Variants in PTPRG observed in about 807,000 individuals in gnomAD.
The protein encoded by PTPRG is receptor-type tyrosine-protein phosphatase gamma.
In PTPRG, 102 loss-of-function variants were observed where a neutral mutation model predicts 165.3. The observed-to-expected ratio is 0.62, with a 90% CI of 0.53 to 0.73. The LOEUF is 0.73. Among genes scored for constraint, PTPRG ranks in the 30% least tolerant of loss-of-function variants. The probability of loss-of-function intolerance (pLI) is 0.00; values close to 1 mark genes in which losing one functional copy is unlikely to be tolerated. For synonymous variants in PTPRG, 675 were observed against 669.5 expected (o/e 1.01, Z -0.13); for missense variants, 1,866 against 1,861.4 (o/e 1.00, Z -0.05).
In PTPRG at chr3:61,562,378, T is replaced by C. The variant is rs201903648; in HGVS notation, c.85+6T>C. The C allele has an allele frequency of 6.2e-7, 1 of 1,612,800 alleles. No homozygotes were observed. Among genetic ancestry groups the C allele is most frequent in the Non-Finnish European group, 8.5e-7 (1 of 1,179,238 alleles). On this transcript the variant is annotated splice_donor_region_variant and intron_variant, in intron 1 of 29. Transcript: ENST00000474889. ...TTATGTCGTGTGCTTCCCCGGTGAG[T>C]GCCGGCCGCCGAGGGGATGCGGCCC...
intron 14 of PTPRG, among the ~76,000 whole-genome samples, chr3:62,234,862 T>A (rs1330131823): frequency 2.0e-5 from 3 of 152,038 alleles, no homozygotes; most frequent in Non-Finnish European, 4.4e-5. Context: ...TAAAATCACT[T>A]TTATGGTTTC....
chr3:61,650,443 C>T (rs923837176), intron 1 of PTPRG, among the ~76,000 whole-genome samples: 14 of 152,134 alleles, frequency 9.2e-5, no homozygotes, highest in Admixed American at 5.9e-4. Flanking sequence ...AAAAAGAGCT[C>T]ATAAGAGATT....
At chr3:61,975,424 A>G (rs2040480710) in intron 2 of PTPRG, among the ~76,000 whole-genome samples, 1 of 152,194 alleles carries the variant, frequency 6.6e-6, no homozygotes, top group Non-Finnish European at 1.5e-5. Flanking sequence ...CATTCTCAAA[A>G]CAGTTTCCTT....
At chr3:62,008,525 G>A (rs75074685) in intron 4 of PTPRG, among the ~76,000 whole-genome samples, 2,990 of 152,222 alleles carry the variant, frequency 0.02, 103 homozygotes, top group African/African-American at 0.068. Context: ...CCATGTACAC[G>A]TTACCATATG....
chr3:62,229,391 G>A lies in PTPRG; in HGVS notation c.2289-1834G>A, dbSNP rs1030952612. ...TTCACGAGAGCTGTCAGTTGTTATA[G>A]TAACCGGCCCCCTGCTGTCGAATTG... On this transcript the variant is annotated intron_variant, in intron 13 of 29. Coordinates refer to ENST00000474889, the MANE Select transcript of PTPRG (RefSeq NM_002841.4). This position sits in a 1 kb window ranked among gnomAD's most constrained non-coding sequence, Gnocchi z 4.6. Among the ~76,000 whole-genome samples the A allele has an allele frequency of 3.3e-5, 5 of 152,210 alleles. No homozygotes were observed. Among genetic ancestry groups the A allele is most frequent in the African/African-American group, 4.8e-5 (2 of 41,454 alleles).
intron 8 of PTPRG, among the ~76,000 whole-genome samples, chr3:62,180,408 C>T (rs56893944): frequency 0.15 from 22,373 of 152,174 alleles, 1,944 homozygotes; most frequent in African/African-American, 0.23. Context: ...TGGGCATTTA[C>T]CCACCCTAGC....
chr3:61,989,816 CTTCT>C lies in PTPRG; in HGVS notation c.370+15_370+18del. On this transcript the variant is annotated intron_variant, in intron 3 of 29. Coordinates refer to ENST00000474889, the MANE Select transcript of PTPRG (RefSeq NM_002841.4). ...CACAGGGAAAACAGGTAGACAATGG[CTTCT>C]TTATTTGTCCACAGAGCAACAGGAA... 1 of 1,613,122 alleles carries C rather than the reference CTTCT, an allele frequency of 6.2e-7. No homozygotes were observed. The highest frequency in any genetic ancestry group is 1.1e-5 in the South Asian group (1 of 90,990).
At chr3:61,630,162 A>G (rs1701729330) in intron 1 of PTPRG, among the ~76,000 whole-genome samples, 1 of 152,216 alleles carries the variant, frequency 6.6e-6, no homozygotes, top group South Asian at 2.1e-4. Flanking sequence ...TATTGGTTCA[A>G]AATAAAATGA....
chr3:62,205,791 C>T (rs531481061), intron 12 of PTPRG, among the ~76,000 whole-genome samples: 2 of 152,276 alleles, frequency 1.3e-5, no homozygotes, highest in African/African-American at 2.4e-5. Flanking sequence ...TCGTTGACCA[C>T]GCTGAGGATT....
chr3:61,769,669 T>A, intron 2 of PTPRG: 1 of 152,126 alleles, frequency 6.6e-6, no homozygotes, highest in Non-Finnish European at 1.5e-5. Context: ...GCACACATGA[T>A]TGAACTTCAG....
chr3:61,824,338 G>A (rs1199582514), intron 2 of PTPRG, among the ~76,000 whole-genome samples: 1 of 152,102 alleles, frequency 6.6e-6, no homozygotes, highest in African/African-American at 2.4e-5. Context: ...GTTTCCTTAG[G>A]TGTTTCATAA....
intron 1 of PTPRG, among the ~76,000 whole-genome samples, chr3:61,574,680 G>T (rs772096099): frequency 2.6e-5 from 4 of 152,160 alleles, no homozygotes; most frequent in Non-Finnish European, 4.4e-5. Context: ...ATCTGAGACT[G>T]GGTAGTTTAT....
chr3:62,194,999 A>G, intron 9 of PTPRG, 63 bp from the exon 10 acceptor site: 2 of 1,509,592 alleles, frequency 1.3e-6, no homozygotes, highest in Non-Finnish European at 9.2e-7. Context: ...GTTTGGCTTT[A>G]GAATGCAAAG....
intron 6 of PTPRG, among the ~76,000 whole-genome samples, chr3:62,146,694 A>T (rs931080445): frequency 6.6e-6 from 1 of 151,974 alleles, no homozygotes; most frequent in Admixed American, 6.5e-5. Context: ...ATTTCTCTGT[A>T]AGGTGACTGA....
At chr3:61,977,143 T>C (rs562687044) in intron 2 of PTPRG, among the ~76,000 whole-genome samples, 12 of 152,266 alleles carry the variant, frequency 7.9e-5, no homozygotes, top group African/African-American at 2.4e-4. Flanking sequence ...ATGTGCTCTA[T>C]GTATATTTGT....
At chr3:62,226,194 G>A (rs1026050702) in intron 13 of PTPRG, among the ~76,000 whole-genome samples, 5 of 152,176 alleles carry the variant, frequency 3.3e-5, no homozygotes, top group Non-Finnish European at 5.9e-5. Flanking sequence ...TAGCCAATAC[G>A]TTATCTTGTC....
At chr3:61,889,179 T>A (rs1269041665) in intron 2 of PTPRG, among the ~76,000 whole-genome samples, 1 of 152,222 alleles carries the variant, frequency 6.6e-6, no homozygotes, top group African/African-American at 2.4e-5. Flanking sequence ...ATTACTATTA[T>A]GGTTGCCAAG....
chr3:62,123,002 G>A (rs896512895), intron 5 of PTPRG, among the ~76,000 whole-genome samples: 2 of 152,098 alleles, frequency 1.3e-5, no homozygotes, highest in South Asian at 2.1e-4. Context: ...ATTCTATTCC[G>A]CTACTCAGTT....
At chr3:61,681,583 T>G (rs961411307) in intron 1 of PTPRG, among the ~76,000 whole-genome samples, 5 of 152,174 alleles carry the variant, frequency 3.3e-5, no homozygotes, top group African/African-American at 9.6e-5. Context: ...TCCCAATATA[T>G]GCTTCATTCT....
Sources: allele counts gnomAD v4.1 joint callset (sites outside exome capture counted in the v4.1 genomes callset), GRCh38; gene constraint gnomAD v4.1.1; non-coding constraint Gnocchi (gnomAD v3.1); transcripts MANE v1.5; gene names NCBI Gene and HGNC (gene_info 2026-07-23, HGNC 2026-07-21).